The following DNAH6 variants were observed in gnomAD, a reference collection of about 807,000 sequenced individuals.
DNAH6 encodes the protein dynein axonemal heavy chain 6.
A neutral mutation model predicts 491.4 loss-of-function variants in DNAH6; 340 were observed. The ratio of observed to expected loss-of-function variants is 0.69; its 90% CI spans 0.63 to 0.76. The LOEUF (loss-of-function observed/expected upper bound fraction) is 0.76, where lower values mean the gene tolerates loss of function less well. DNAH6 is among the 30% of genes least tolerant of loss of function. The pLI, the probability that DNAH6 is intolerant of heterozygous loss-of-function variation, is 0.00. For missense variants in DNAH6, 4,443 were observed against 4,972.2 expected, an observed-to-expected ratio of 0.89 and a Z score of 3.20; for synonymous variants, 1,603 against 1,686.1, an observed-to-expected ratio of 0.95 and a Z score of 1.21.
the DNAH6 span, among the ~76,000 whole-genome samples, chr2:84,510,948 G>A: frequency 2.0e-4 from 30 of 152,196 alleles, no homozygotes; most frequent in African/African-American, 6.3e-4. Context: ...TTGTCTCAGA[G>A]GAGTACCCGG....
chr2:84,756,880 A>T (rs1030476949), intron 63 of DNAH6, among the ~76,000 whole-genome samples: 3 of 152,210 alleles, frequency 2.0e-5, no homozygotes, highest in African/African-American at 7.2e-5. Context: ...TCAAACAGCA[A>T]ATCTAAAAAG....
rs371851619 is a variant in DNAH6, at chr2:84,741,672, G to A, written c.10343-3408G>A. ...CTCTAGGGGGTGCATGAGTGTGCCC[G>A]TTCTCCCCTCTCCCTCCCTGGAGCA... is the stretch of plus-strand genomic sequence containing the variant. On this transcript the variant is annotated intron_variant, in intron 62 of 76. Transcript: ENST00000389394. Among the ~76,000 whole-genome samples the A allele has an allele frequency of 1.6e-4, 25 of 152,242 alleles. No individual in the cohort carries two copies. The East Asian group carries it at 2.9e-3, about 18-fold the overall frequency.
chr2:84,800,989 C>T (rs555538533), intron 70 of DNAH6, among the ~76,000 whole-genome samples: 49 of 150,316 alleles, frequency 3.3e-4, no homozygotes, highest in Non-Finnish European at 6.5e-4. Context: ...AGTAAACTAT[C>T]GCAAGAACAA....
At chr2:84,804,243 A>C (rs534103715) in intron 70 of DNAH6, among the ~76,000 whole-genome samples, 2 of 151,628 alleles carry the variant, frequency 1.3e-5, no homozygotes, top group Admixed American at 1.3e-4. Context: ...AAATCAAAAA[A>C]CTAGAAATTT....
chr2:84,621,511 A>AT lies in DNAH6; in HGVS notation c.4032dup (p.Ile1345TyrfsTer8). 1 of 1,530,538 alleles carries AT rather than the reference A, an allele frequency of 6.5e-7. No individual in the cohort carries two copies. The highest frequency in any genetic ancestry group is 2.5e-5 in the East Asian group (1 of 40,262). The allele number at this position is 1,530,538 out of a possible 1,614,324, so 94.8% of individuals were successfully genotyped here. The stretch of plus-strand genomic sequence containing the variant: ...TGTCTGGAAACAGAACACAGTAATC[A>AT]TATACAGGCCCTGAAGAATTTTGAA... On this transcript the variant is annotated frameshift_variant, in exon 26 of 77. Coordinates refer to ENST00000389394, the MANE Select transcript of DNAH6 (RefSeq NM_001370.2). LOFTEE classifies it high-confidence loss of function.
At chr2:84,751,130 A>G (rs1485142922) in intron 63 of DNAH6, 4 of 152,254 alleles carry the variant, frequency 2.6e-5, no homozygotes, top group Non-Finnish European at 5.9e-5. Flanking sequence ...TTACCCTGCT[A>G]TTGATGCCAA....
At position 84,529,074 on chromosome 2, in the gene DNAH6, TA is replaced by T. The variant is rs895003455; in HGVS notation, c.574del (p.Ile192Ter). ...ACATTCGTGATCCCTTGCAAATCATTAAAATAATACGTGAAAATGAACATCT... is the reference window on the plus strand; with the variant it reads ...ACATTCGTGATCCCTTGCAAATCATTAAATAATACGTGAAAATGAACATCT... ...ANIRDPLQIIKIIRENEHLGF... is the reference protein window; with the variant it reads ...ANIRDPLQIIXIIRENEHLGF... On this transcript the variant is annotated frameshift_variant, in exon 4 of 77. Coordinates refer to ENST00000389394, the MANE Select transcript of DNAH6 (RefSeq NM_001370.2). LOFTEE classifies it high-confidence loss of function. The T allele has an allele frequency of 4.2e-5, 65 of 1,551,186 alleles. No individual in the cohort carries two copies. The highest frequency in any genetic ancestry group is 5.7e-5 in the Non-Finnish European group (65 of 1,146,738).
intron 61 of DNAH6, among the ~76,000 whole-genome samples, chr2:84,728,701 T>G (rs574731534): frequency 6.6e-6 from 1 of 152,270 alleles, no homozygotes; most frequent in Admixed American, 6.5e-5. Context: ...AGTGACAAAA[T>G]GACTTGATTG....
intron 39 of DNAH6, among the ~76,000 whole-genome samples, chr2:84,671,586 A>G (rs1383405486): frequency 2.0e-5 from 3 of 151,938 alleles, no homozygotes; most frequent in Non-Finnish European, 2.9e-5. Flanking sequence ...ATGCCAGTCT[A>G]TTTTCTGGTG....
intron 31 of DNAH6, among the ~76,000 whole-genome samples, chr2:84,637,898 T>G (rs1026695151): frequency 1.3e-5 from 2 of 152,110 alleles, no homozygotes; most frequent in Non-Finnish European, 2.9e-5. Flanking sequence ...CTATTTAAAC[T>G]GGCTTTAAAT....
chr2:84,722,426 C>G (rs558282341), intron 59 of DNAH6, among the ~76,000 whole-genome samples, 199 bp from the exon 60 acceptor site: 8 of 152,310 alleles, frequency 5.3e-5, no homozygotes, highest in African/African-American at 1.4e-4. Context: ...CTATTCCTAA[C>G]TCTGGAAGGA....
intron 56 of DNAH6, among the ~76,000 whole-genome samples, chr2:84,712,625 T>C (rs1697152362): frequency 6.6e-6 from 1 of 152,242 alleles, no homozygotes. Context: ...TTTGTTTGTA[T>C]GTTTTTACAA....
At chr2:84,697,235 G>GCATT (rs1470958396) in intron 46 of DNAH6, among the ~76,000 whole-genome samples, 2 of 152,110 alleles carry the variant, frequency 1.3e-5, no homozygotes, top group African/African-American at 4.8e-5. Context: ...GCTCAATGGT[G>GCATT]CATTCTGCTT....
At chr2:84,499,654 G>C in the DNAH6 span, among the ~76,000 whole-genome samples, 8 of 152,076 alleles carry the variant, frequency 5.3e-5, no homozygotes, top group Non-Finnish European at 8.8e-5. Flanking sequence ...TTGGATTCCC[G>C]CCATCACTGT....
chr2:84,476,016 T>G, the DNAH6 span, among the ~76,000 whole-genome samples: 1 of 152,190 alleles, frequency 6.6e-6, no homozygotes, highest in Non-Finnish European at 1.5e-5. Context: ...GTTGTGCTTG[T>G]GTATTTTCCC....
chr2:84,637,116 C>A lies in DNAH6; in HGVS notation c.4654-94C>A, dbSNP rs764547316. On this transcript the variant is annotated intron_variant, in intron 30 of 76. Transcript: ENST00000389394. ...GTATTCAGTAGTCTTTGCTTTAGTG[C>A]TTCATTACATGAGTCTTGTATTCGA... is the stretch of plus-strand genomic sequence containing the variant. 4.6e-6 allele frequency: 5 copies of A among 1,095,742 alleles called. No individual in the cohort carries two copies. The African/African-American group carries it at 4.8e-5, about 11-fold the overall frequency. 67.9% of individuals were successfully genotyped at this position (1,095,742 alleles called of 1,614,324 possible). A position where few individuals can be genotyped will look rare whatever the true frequency, so the allele number is the denominator to read the frequency against.
At chr2:84,634,256 A>G (rs1015757073) in intron 29 of DNAH6, among the ~76,000 whole-genome samples, 6 of 152,366 alleles carry the variant, frequency 3.9e-5, no homozygotes, top group East Asian at 1.9e-4. Flanking sequence ...GTTATAAACA[A>G]GAAGGAAAAT....
chr2:84,654,533 C>A, intron 34 of DNAH6, 127 bp from the exon 35 acceptor site: 3 of 1,224,812 alleles, frequency 2.4e-6, no homozygotes, highest in Non-Finnish European at 2.2e-6. Context: ...CACTCTCTTC[C>A]ACATGAAGCC....
chr2:84,660,225 A>G (rs1691371078), intron 37 of DNAH6, among the ~76,000 whole-genome samples: 1 of 152,180 alleles, frequency 6.6e-6, no homozygotes, highest in African/African-American at 2.4e-5. Flanking sequence ...GTTGCATAGT[A>G]AAAAAGTGCT....
Sources: gnomAD v4.1 joint callset for allele counts (sites outside exome capture counted in the v4.1 genomes callset) on GRCh38, gnomAD v4.1.1 for gene constraint, MANE v1.5 for transcripts, NCBI Gene and HGNC (gene_info 2026-07-23, HGNC 2026-07-21) for gene names.